MUC4: variants seen among roughly 807,000 people sequenced by gnomAD.
MUC4 encodes the protein mucin-4.
MUC4 carries 202 observed loss-of-function variants against 257.9 expected under a neutral mutation model. That is an observed-to-expected ratio of 0.78 (90% confidence interval 0.70 to 0.88). The LOEUF (loss-of-function observed/expected upper bound fraction) is 0.88. MUC4 is among the 40% of genes least tolerant of loss of function. MUC4 has a pLI of 0.00. For synonymous variants in MUC4, 2,351 were observed against 2,757.1 expected (o/e 0.85, Z 4.62); for missense variants, 5,976 against 6,513.7 (o/e 0.92, Z 2.84).
chr3:195,799,502 A>G (rs1049831000), intron 1 of MUC4, among the ~76,000 whole-genome samples: 1 of 152,116 alleles, frequency 6.6e-6, no homozygotes, highest in African/African-American at 2.4e-5. Context: ...GGGTTTCACC[A>G]TGTTGGCCAG....
At chr3:195,795,283 T>C (rs781198653) in intron 1 of MUC4, among the ~76,000 whole-genome samples, 12 of 152,184 alleles carry the variant, frequency 7.9e-5, no homozygotes, top group Non-Finnish European at 1.6e-4. Flanking sequence ...TTAACATCTT[T>C]TCAGAGCCTG....
intron 3 of MUC4, among the ~76,000 whole-genome samples, chr3:195,775,406 ACACCCATACCTT>A (rs1724206650): frequency 1.7e-5 from 2 of 115,300 alleles, no homozygotes; most frequent in Non-Finnish European, 4.0e-5. Context: ...CATACCTTCC[ACACCCATACCTT>A]CCACACCCAT....
chr3:195,791,522 C>A (rs1733862870), intron 1 of MUC4, 25 bp from the exon 2 acceptor site: 2 of 1,487,040 alleles, frequency 1.3e-6, no homozygotes, highest in Non-Finnish European at 1.9e-6. Flanking sequence ...AATAGGCAAG[C>A]AGAGAGCTAA....
chr3:195,781,601 T>C lies in MUC4; in HGVS notation c.9979A>G (p.Thr3327Ala). 1.7e-6 allele frequency: 1 copy of C among 572,212 alleles called. No homozygotes were observed. The highest frequency in any genetic ancestry group is 2.4e-6 in the Non-Finnish European group (1 of 413,674). 35.4% of individuals were successfully genotyped at this position (572,212 alleles called of 1,614,324 possible). A position where few individuals can be genotyped will look rare whatever the true frequency, so the allele number is the denominator to read the frequency against. The stretch of plus-strand genomic sequence containing the variant: ...GAAGGGCTGGTGACATGAAGAGGGG[T>C]GGCGTGACCTGTGGATGCTGAGGAA... Reference protein sequence around the residue: ...DASSASTGHATPLHVTSPSSA... With the variant: ...DASSASTGHAAPLHVTSPSSA... The change falls in exon 2 of 25, where the codon ACC becomes GCC. Residue 3327 changes from threonine (T) to alanine (A), a missense_variant. Physicochemically the swap from Thr to Ala is moderately conservative, Grantham distance 58. Coordinates refer to ENST00000463781, the MANE Select transcript of MUC4 (RefSeq NM_018406.7).
At chr3:195,806,287 T>C (rs1356990523) in intron 1 of MUC4, among the ~76,000 whole-genome samples, 1 of 152,190 alleles carries the variant, frequency 6.6e-6, no homozygotes, top group Non-Finnish European at 1.5e-5. Context: ...CTTCTCCACC[T>C]GGCTGTCCTC....
At position 195,780,419 on chromosome 3, in the gene MUC4, C is replaced by T. The variant is rs1222756388; in HGVS notation, c.11161G>A (p.Val3721Ile). The T allele has an allele frequency of 1.3e-6, 2 of 1,541,248 alleles. No individual in the cohort carries two copies. The highest frequency in any genetic ancestry group is 1.7e-6 in the Non-Finnish European group (2 of 1,146,904). ...AGAGGGGTGACGTGACCTGTAGATA[C>T]TGAGGAAGTGCTGGTGACAGGAAGA... is the stretch of plus-strand genomic sequence containing the variant. ...TPLPVTSTSS[V>I]STGHVTPLHV... is the part of the protein sequence containing the mutation. The change falls in exon 2 of 25, where the codon GTA (valine) becomes ATA (isoleucine). Residue 3721 changes from valine to isoleucine, a missense_variant. This residue lies in a region of MUC4 where 330 missense variants were observed against 262.0 expected (regional missense o/e 1.26). Transcript: ENST00000463781.
chr3:195,762,915 T>C lies in MUC4; in HGVS notation c.14284A>G (p.Ile4762Val). 3 of 1,571,050 alleles carry C rather than the reference T, an allele frequency of 1.9e-6. No homozygotes were observed. Among genetic ancestry groups the C allele is most frequent in the African/African-American group, 1.4e-5 (1 of 73,796 alleles). ...VQWLLEPHDAIRVLLDNQTVT... is the reference protein window; with the variant it reads ...VQWLLEPHDAVRVLLDNQTVT... ...GTCTGGTTATCCAGCAGGACACGGA[T>C]TGCGTCGTGAGGCTCAAGGAGCCAT... The change falls in exon 13 of 25, where the codon ATC (isoleucine) becomes GTC (valine). Residue 4762 changes from isoleucine (I) to valine (V), a missense_variant. By Grantham distance (29) the Ile-to-Val change is conservative (BLOSUM62 3). Around this residue, in one of 44 missense-constraint regions of MUC4, gnomAD observed 996 missense variants for 1,137.3 expected, o/e 0.88. Coordinates refer to ENST00000463781, the MANE Select transcript of MUC4 (RefSeq NM_018406.7).
At chr3:195,762,336 C>T in intron 13 of MUC4, 82 bp from the exon 14 acceptor site, 1 of 1,401,606 alleles carries the variant, frequency 7.1e-7, no homozygotes, top group South Asian at 1.4e-5. Flanking sequence ...GGGCCCGCAC[C>T]ACCCCCACCC....
intron 1 of MUC4, among the ~76,000 whole-genome samples, chr3:195,806,018 AG>A: frequency 2.9e-5 from 1 of 33,906 alleles, no homozygotes; most frequent in South Asian, 9.1e-4. Flanking sequence ...CGGGGGGCTG[AG>A]GCACGAGAAT....
chr3:195,770,913 G>C (rs1287490953), intron 5 of MUC4: 6 of 456,518 alleles, frequency 1.3e-5, no homozygotes, highest in South Asian at 9.3e-5. Flanking sequence ...AGGCTGAATT[G>C]TCAGCCCCCA....
intron 16 of MUC4, among the ~76,000 whole-genome samples, chr3:195,759,649 G>A (rs551034316): frequency 2.3e-4 from 35 of 152,280 alleles, no homozygotes; most frequent in Admixed American, 2.2e-3. Context: ...AGGGTGCTGG[G>A]TGTCTCATGT....
At chr3:195,767,280 T>C (rs1053045112) in intron 7 of MUC4, among the ~76,000 whole-genome samples, 1 of 152,072 alleles carries the variant, frequency 6.6e-6, no homozygotes, top group African/African-American at 2.4e-5. Context: ...CTCACTGTAT[T>C]GTGAGGATTA....
At chr3:195,772,024 C>T (rs111502380) in intron 4 of MUC4, among the ~76,000 whole-genome samples, 2 of 152,192 alleles carry the variant, frequency 1.3e-5, no homozygotes, top group East Asian at 1.9e-4. Flanking sequence ...CCATCCCTTG[C>T]GTCCTCGGGT....
intron 3 of MUC4, among the ~76,000 whole-genome samples, chr3:195,777,598 A>G (rs111215368): frequency 0.013 from 952 of 75,116 alleles, 1 homozygote; most frequent in African/African-American, 0.035. Flanking sequence ...TACCTTCCAC[A>G]CCCATACCTT....
intron 3 of MUC4, 87 bp downstream of exon 3, chr3:195,778,216 G>C: frequency 6.8e-7 from 1 of 1,464,192 alleles, no homozygotes; most frequent in Non-Finnish European, 9.1e-7. Context: ...CCACCCGAGA[G>C]AGCGGAGACT....
In MUC4 at chr3:195,781,469, T is replaced by C. The variant is rs768781736; in HGVS notation, c.10111A>G (p.Thr3371Ala). 1.9e-6 allele frequency: 3 copies of C among 1,542,190 alleles called. No individual in the cohort carries two copies. The African/African-American group carries it at 4.4e-5, about 23-fold the overall frequency. ...LPVTGLSSASTGDTTRLPVTD... is the reference protein window; with the variant it reads ...LPVTGLSSASAGDTTRLPVTD... The stretch of plus-strand genomic sequence containing the variant: ...ACAGGAAGACGGGTGGTGTCACCTG[T>C]GGAAGCTGAGGAAAGGCCGGTGACA... Residue 3371 changes from threonine to alanine, a missense_variant, in exon 2 of 25, where the codon ACA becomes GCA. Around this residue, in one of 44 missense-constraint regions of MUC4, gnomAD observed 297 missense variants for 240.9 expected, o/e 1.23. Coordinates refer to ENST00000463781, the MANE Select transcript of MUC4 (RefSeq NM_018406.7).
At chr3:195,808,926 C>T (rs558659972) in intron 1 of MUC4, among the ~76,000 whole-genome samples, 2 of 152,300 alleles carry the variant, frequency 1.3e-5, no homozygotes, top group African/African-American at 2.4e-5. Context: ...CATAAAGACC[C>T]TTCCCCGTGG....
At chr3:195,772,730 A>AACC (rs1250136201) in intron 4 of MUC4, among the ~76,000 whole-genome samples, 2 of 138,006 alleles carry the variant, frequency 1.4e-5, no homozygotes, top group East Asian at 2.2e-4. Flanking sequence ...GGGTGTAGAC[A>AACC]TCCTCTCTCC....
In MUC4 at chr3:195,788,914, G is replaced by A. The variant is rs1198756821; in HGVS notation, c.2666C>T (p.Ser889Leu). The change falls in exon 2 of 25, where the codon TCA becomes TTA. Residue 889 changes from serine to leucine, a missense_variant. Ser to Leu is a moderately radical substitution (Grantham distance 145, BLOSUM62 -2). This residue lies in a region of MUC4 where 1,583 missense variants were observed against 1,257.4 expected (regional missense o/e 1.26). Transcript: ENST00000463781. The part of the protein sequence containing the change: ...ASTAGRPTGQ[S>L]SPTSPSASPQ... Reference sequence around the variant, plus strand: ...AGAGGCACTGGGAGAAGTTGGGCTTGACTGTCCTGTCGGTCTCCCTGCAGT... The same window carrying A: ...AGAGGCACTGGGAGAAGTTGGGCTTAACTGTCCTGTCGGTCTCCCTGCAGT... The A allele has an allele frequency of 1.9e-6, 3 of 1,613,686 alleles. No individual in the cohort carries two copies. The highest frequency in any genetic ancestry group is 2.2e-5 in the East Asian group (1 of 44,872).
Sources: allele counts gnomAD v4.1 joint callset (sites outside exome capture counted in the v4.1 genomes callset), GRCh38; gene constraint gnomAD v4.1.1; regional missense constraint gnomAD v4.1.1; transcripts MANE v1.5; gene names NCBI Gene and HGNC (gene_info 2026-07-23, HGNC 2026-07-21).